Variants in KCNIP4 observed in about 807,000 individuals in gnomAD.
The protein encoded by KCNIP4 is Kv channel-interacting protein 4.
In KCNIP4, 12 loss-of-function variants were observed where a neutral mutation model predicts 34.0. That is an observed-to-expected ratio of 0.35 (90% CI 0.23 to 0.57). KCNIP4 has a LOEUF of 0.57. Ranked by LOEUF, KCNIP4 falls within the 20% of genes least tolerant of loss-of-function variation. The pLI is 0.83. For missense variants in KCNIP4, 238 were observed against 311.7 expected, an observed-to-expected ratio of 0.76 and a Z score of 1.78; for synonymous variants, 124 against 102.2, an observed-to-expected ratio of 1.21 and a Z score of -1.29.
intron 1 of KCNIP4, among the ~76,000 whole-genome samples, chr4:21,072,344 G>A (rs1175599612): frequency 1.3e-5 from 2 of 152,188 alleles, no homozygotes; most frequent in African/African-American, 4.8e-5. Flanking sequence ...TCTAACTGGT[G>A]TGAGATGGTA....
rs539547361 is a variant in KCNIP4, at chr4:20,892,354, A to ACT, written c.62-9647_62-9646dup. On this transcript the variant is annotated intron_variant, in intron 1 of 8. Transcript: ENST00000382152. ...ACCTGTTTCTCATAAAATTAATGCT[A>ACT]CTCTCTGTCAGCCTTTCCATCTCTC... is the stretch of plus-strand genomic sequence containing the variant. Among the ~76,000 whole-genome samples, 291 of 151,806 alleles carry ACT rather than the reference A, an allele frequency of 1.9e-3. 1 individual carries two copies. The highest frequency in any genetic ancestry group is 6.8e-3 in the African/African-American group (281 of 41,386).
At chr4:20,834,003 CA>C (rs1718743465) in intron 3 of KCNIP4, among the ~76,000 whole-genome samples, 1 of 152,170 alleles carries the variant, frequency 6.6e-6, no homozygotes, top group Non-Finnish European at 1.5e-5. Flanking sequence ...CCCAGGGCTG[CA>C]GATCTCGGGA....
In KCNIP4 at chr4:21,762,956, T is replaced by C. The variant is rs572219627; in HGVS notation, c.61+185615A>G. The C allele has an allele frequency of 8.5e-6, 11 of 1,288,826 alleles. 1 individual carries two copies. The South Asian group carries it at 1.2e-4, about 14-fold the overall frequency. The allele number at this position is 1,288,826 out of a possible 1,614,324, so 79.8% of individuals were successfully genotyped here. A position where few individuals can be genotyped will look rare whatever the true frequency, so the allele number is the denominator to read the frequency against. ...GACAGGTGCTCCCACTTCCGAAGTC[T>C]CCCTCTGGGACCACTGGGTGTAAGT... On this transcript the variant is annotated intron_variant, in intron 1 of 8. Coordinates refer to ENST00000382152, the MANE Select transcript of KCNIP4 (RefSeq NM_025221.6).
intron 1 of KCNIP4, among the ~76,000 whole-genome samples, chr4:21,719,377 A>G (rs1333033879): frequency 6.6e-6 from 1 of 152,108 alleles, no homozygotes; most frequent in African/African-American, 2.4e-5. Flanking sequence ...TGCATAGAGA[A>G]CCTATGGGGA....
chr4:20,887,570 C>A (rs1725449517), intron 1 of KCNIP4, among the ~76,000 whole-genome samples: 1 of 152,016 alleles, frequency 6.6e-6, no homozygotes, highest in South Asian at 2.1e-4. Flanking sequence ...ACAGCAGAAA[C>A]ACCAGAAAAC....
intron 1 of KCNIP4, among the ~76,000 whole-genome samples, chr4:20,913,560 A>G (rs921563854): frequency 6.6e-6 from 1 of 152,242 alleles, no homozygotes; most frequent in African/African-American, 2.4e-5. Context: ...CAATTTAAAA[A>G]TAAATTCAGC....
intron 1 of KCNIP4, among the ~76,000 whole-genome samples, chr4:21,703,064 T>TA (rs1243576188): frequency 5.3e-5 from 8 of 151,480 alleles, no homozygotes; most frequent in East Asian, 3.9e-4. Context: ...GATTCATGAT[T>TA]AAAAAAAAAT....
At chr4:21,041,820 T>C (rs1741988479) in intron 1 of KCNIP4, among the ~76,000 whole-genome samples, 1 of 152,196 alleles carries the variant, frequency 6.6e-6, no homozygotes, top group Non-Finnish European at 1.5e-5. Context: ...TTTATCTAAA[T>C]GAAACACATT....
chr4:21,865,647 A>G (rs935174393), intron 1 of KCNIP4, among the ~76,000 whole-genome samples: 51 of 151,734 alleles, frequency 3.4e-4, no homozygotes, highest in African/African-American at 1.2e-3. Flanking sequence ...GGGTTCAGTG[A>G]TTTTCCTGCC....
At chr4:21,157,507 C>T (rs1329201664) in intron 1 of KCNIP4, among the ~76,000 whole-genome samples, 8 of 151,714 alleles carry the variant, frequency 5.3e-5, no homozygotes, top group Admixed American at 2.0e-4. Context: ...GAAACACTGG[C>T]CATTAGGTAA....
intron 1 of KCNIP4, among the ~76,000 whole-genome samples, chr4:21,479,422 G>T (rs976611333): frequency 6.6e-6 from 1 of 152,136 alleles, no homozygotes; most frequent in Non-Finnish European, 1.5e-5. Flanking sequence ...AAGCTCACAT[G>T]GAATGAGATA....
intron 2 of KCNIP4, among the ~76,000 whole-genome samples, chr4:20,875,723 TA>T (rs544905723): frequency 2.9e-4 from 44 of 149,696 alleles, no homozygotes; most frequent in Admixed American, 6.7e-4. Context: ...GGTTAAACAT[TA>T]AAAAAAAAAT....
At chr4:21,226,755 T>A (rs1433707595) in intron 1 of KCNIP4, among the ~76,000 whole-genome samples, 1 of 152,182 alleles carries the variant, frequency 6.6e-6, no homozygotes, top group Non-Finnish European at 1.5e-5. Flanking sequence ...ATGCAATGAA[T>A]GGATAGTTAA....
intron 1 of KCNIP4, among the ~76,000 whole-genome samples, chr4:21,039,627 A>T (rs1741775698): frequency 6.6e-6 from 1 of 152,206 alleles, no homozygotes; most frequent in African/African-American, 2.4e-5. Context: ...ACTGTTACTA[A>T]TGAAATAAAC....
chr4:21,407,262 C>G (rs1026544382), intron 1 of KCNIP4, among the ~76,000 whole-genome samples: 2 of 151,858 alleles, frequency 1.3e-5, no homozygotes, highest in Non-Finnish European at 2.9e-5. Context: ...GCAGGCTCAC[C>G]TCATTCAAAT....
At chr4:21,811,862 C>T (rs1257384435) in intron 1 of KCNIP4, among the ~76,000 whole-genome samples, 1 of 152,184 alleles carries the variant, frequency 6.6e-6, no homozygotes, top group Non-Finnish European at 1.5e-5. Context: ...GAGGCAAGAT[C>T]TCGTGAGAAT....
chr4:21,242,525 C>T (rs1759907840), intron 1 of KCNIP4, among the ~76,000 whole-genome samples: 2 of 152,122 alleles, frequency 1.3e-5, no homozygotes, highest in South Asian at 4.1e-4. Context: ...GTGAGATTAG[C>T]ATTGGATCAG....
chr4:20,989,052 T>G (rs571083857), intron 1 of KCNIP4, among the ~76,000 whole-genome samples: 3 of 152,382 alleles, frequency 2.0e-5, no homozygotes, highest in Admixed American at 6.5e-5. Context: ...GTCTTGTCAC[T>G]TCACAATTTA....
chr4:21,564,729 C>A (rs1212426894), intron 1 of KCNIP4, among the ~76,000 whole-genome samples: 1 of 152,074 alleles, frequency 6.6e-6, no homozygotes, highest in Non-Finnish European at 1.5e-5. Flanking sequence ...GCACCAGCAT[C>A]TGCTTATGGT....
Sources: gnomAD v4.1 joint callset for allele counts (sites outside exome capture counted in the v4.1 genomes callset) on GRCh38, gnomAD v4.1.1 for gene constraint, MANE v1.5 for transcripts, NCBI Gene and HGNC (gene_info 2026-07-23, HGNC 2026-07-21) for gene names.